Variants in MUC13 observed in about 807,000 individuals in gnomAD.
MUC13 encodes mucin 13, cell surface associated, also known as mucin-13.
Under a neutral mutation model 48.3 loss-of-function variants are expected in MUC13, and 32 were observed. The observed-to-expected ratio is 0.66, with a 90% CI of 0.50 to 0.89. The LOEUF (loss-of-function observed/expected upper bound fraction) is 0.89. MUC13 is among the 40% of genes least tolerant of loss of function. The probability of loss-of-function intolerance (pLI) is 0.00; values close to 1 mark genes in which losing one functional copy is unlikely to be tolerated. For synonymous variants in MUC13, 199 were observed against 224.9 expected, an observed-to-expected ratio of 0.88 and a Z score of 1.03; for missense variants, 571 against 622.8, an observed-to-expected ratio of 0.92 and a Z score of 0.88.
chr3:124,922,902 A>G (rs1302719550), intron 3 of MUC13, among the ~76,000 whole-genome samples: 1 of 152,132 alleles, frequency 6.6e-6, no homozygotes, highest in Non-Finnish European at 1.5e-5. Flanking sequence ...TGCAATGAAC[A>G]TCTTCACACA....
chr3:124,910,431 A>G lies in MUC13; in HGVS notation c.1321T>C (p.Leu441=). 1 of 1,614,160 alleles carries G rather than the reference A, an allele frequency of 6.2e-7. No homozygotes were observed. The highest frequency in any genetic ancestry group is 8.5e-7 in the Non-Finnish European group (1 of 1,179,984). The change falls in exon 10 of 12, where the codon TTG becomes CTG. Residue 441 remains leucine (L), a synonymous_variant. Transcript: ENST00000616727. ...ATCCCATACCTTGCTGTGACAATCAATGCAATTATCATGCTGAGAATGACA... is the reference window on the plus strand; with the variant it reads ...ATCCCATACCTTGCTGTGACAATCAGTGCAATTATCATGCTGAGAATGACA... ...GIVILSMIIA[L]IVTARSNNKT...
chr3:124,913,975 T>A (rs888102334), intron 6 of MUC13, among the ~76,000 whole-genome samples: 2 of 152,068 alleles, frequency 1.3e-5, no homozygotes, highest in African/African-American at 4.8e-5. Context: ...AGTGGGAGGA[T>A]CACTTGAGCC....
At chr3:124,906,926 A>T (rs1935329606) in intron 11 of MUC13, among the ~76,000 whole-genome samples, 184 bp from the exon 12 acceptor site, 2 of 151,896 alleles carry the variant, frequency 1.3e-5, no homozygotes, top group Admixed American at 1.3e-4. Flanking sequence ...TCTCTTTCCC[A>T]GCTCCCTTTC....
At chr3:124,922,111 A>T in intron 4 of MUC13, 86 bp downstream of exon 4, 1 of 1,486,844 alleles carries the variant, frequency 6.7e-7, no homozygotes. Flanking sequence ...TACGAGCGTG[A>T]ACCACCTGAA....
At chr3:124,910,292 G>T in intron 10 of MUC13, 123 bp downstream of exon 10, 1 of 1,353,126 alleles carries the variant, frequency 7.4e-7, no homozygotes, top group South Asian at 1.5e-5. Context: ...CCAGCACTTT[G>T]GGAGGCCAAG....
chr3:124,925,524 T>A (rs1935671945), intron 2 of MUC13, among the ~76,000 whole-genome samples: 1 of 152,204 alleles, frequency 6.6e-6, no homozygotes, highest in Non-Finnish European at 1.5e-5. Context: ...ATGTTGATAA[T>A]ATATGTGTCA....
chr3:124,910,513 G>C lies in MUC13; in HGVS notation c.1253-14C>G, dbSNP rs754774048. 1.2e-5 allele frequency: 19 copies of C among 1,613,724 alleles called. No individual in the cohort carries two copies. The Admixed American group carries it at 3.0e-4, about 25-fold the overall frequency. On this transcript the variant is annotated splice_polypyrimidine_tract_variant and intron_variant, in intron 9 of 11. Coordinates refer to ENST00000616727, the MANE Select transcript of MUC13 (RefSeq NM_033049.4). ...TCAGCTGAAATTCTGAAAGGAAGAAGAAAATAAGAACAGTCTCCAACAAGC... is the reference window on the plus strand; with the variant it reads ...TCAGCTGAAATTCTGAAAGGAAGAACAAAATAAGAACAGTCTCCAACAAGC...
chr3:124,909,876 G>A lies in MUC13; in HGVS notation c.1337+539C>T, dbSNP rs1360907437. 4.0e-5 allele frequency among the ~76,000 whole-genome samples: 6 copies of A among 151,644 alleles called. No individual in the cohort carries two copies. The East Asian group carries it at 7.7e-4, about 20-fold the overall frequency. On this transcript the variant is annotated intron_variant, in intron 10 of 11. Transcript: ENST00000616727. ...GGAAATGGTTGCTATGTCATCTTAC[G>A]GTGTTAAACCAAAAAAAACCTCAAT...
chr3:124,910,150 G>C (rs952508173), intron 10 of MUC13, among the ~76,000 whole-genome samples: 9 of 152,132 alleles, frequency 5.9e-5, no homozygotes, highest in African/African-American at 1.9e-4. Flanking sequence ...TACTAGAAAG[G>C]CCTCTCCTTA....
intron 1 of MUC13, among the ~76,000 whole-genome samples, chr3:124,932,320 C>A (rs1001413216): frequency 3.3e-5 from 5 of 152,032 alleles, no homozygotes; most frequent in African/African-American, 1.2e-4. Flanking sequence ...AATCCCAGCA[C>A]TTTGGGAGGC....
intron 5 of MUC13, among the ~76,000 whole-genome samples, chr3:124,919,356 G>T (rs202185496): frequency 0.023 from 2,879 of 123,664 alleles, 45 homozygotes; most frequent in Non-Finnish European, 0.034. Context: ...AAAAAAAATG[G>T]TTTTTTTTTT....
Position 124,922,271 on chromosome 3 carries a change from C to G in MUC13, c.670G>C (p.Val224Leu). 1 of 1,614,108 alleles carries G rather than the reference C, an allele frequency of 6.2e-7. No homozygotes were observed. The highest frequency in any genetic ancestry group is 2.2e-5 in the East Asian group (1 of 44,874). The change falls in exon 4 of 12, where the codon GTA becomes CTA. Residue 224 changes from valine (V) to leucine (L), a missense_variant. By Grantham distance (32) the Val-to-Leu change is conservative (BLOSUM62 1). Transcript: ENST00000616727. ...KVFPGKISVT[V>L]SETFDPEEKH... ...TCTTCTGGGTCAAATGTTTCTGATA[C>G]TGTCACTGAAATCTTCCCAGGGAAT... is the stretch of plus-strand genomic sequence containing the variant.
chr3:124,912,199 A>G, intron 8 of MUC13, 58 bp from the exon 9 acceptor site: 1 of 1,596,774 alleles, frequency 6.3e-7, no homozygotes, highest in Middle Eastern at 1.7e-4. Context: ...GGAGCATGTC[A>G]GAGTTCCCAC....
At chr3:124,934,314 C>T (rs888565480) in intron 1 of MUC13, among the ~76,000 whole-genome samples, 6 of 152,156 alleles carry the variant, frequency 3.9e-5, no homozygotes, top group African/African-American at 1.4e-4. Context: ...CCCACCGCCA[C>T]ACCTGGCTAA....
chr3:124,907,149 T>G (rs560541540), intron 11 of MUC13, among the ~76,000 whole-genome samples: 3 of 152,222 alleles, frequency 2.0e-5, no homozygotes, highest in African/African-American at 7.2e-5. Context: ...TAGCTTTATC[T>G]CCTTTTTTAA....
chr3:124,907,677 G>A (rs1240580754), intron 11 of MUC13, among the ~76,000 whole-genome samples: 2 of 151,890 alleles, frequency 1.3e-5, no homozygotes, highest in East Asian at 3.9e-4. Context: ...GAGAGAGAGA[G>A]AGAGTTGCCT....
chr3:124,912,346 G>A (rs1477449784), intron 8 of MUC13: 2 of 672,570 alleles, frequency 3.0e-6, no homozygotes, highest in East Asian at 2.9e-5. Flanking sequence ...GGTGAGGGGG[G>A]TACGCAATCT....
chr3:124,912,871 G>A (rs1421027835), intron 8 of MUC13, among the ~76,000 whole-genome samples: 2 of 150,802 alleles, frequency 1.3e-5, no homozygotes, highest in African/African-American at 4.9e-5. Flanking sequence ...GGGGGGTGGA[G>A]GTTGCAGTGA....
intron 2 of MUC13, 59 bp downstream of exon 2, chr3:124,927,472 TC>T: frequency 6.6e-7 from 1 of 1,516,534 alleles, no homozygotes; most frequent in East Asian, 2.3e-5. Flanking sequence ...CATACCCACC[TC>T]CCTCCCTCCA....
Sources: allele counts gnomAD v4.1 joint callset (sites outside exome capture counted in the v4.1 genomes callset), GRCh38; gene constraint gnomAD v4.1.1; transcripts MANE v1.5; gene names NCBI Gene and HGNC (gene_info 2026-07-23, HGNC 2026-07-21).